ELAPOR1: variants seen among roughly 807,000 people sequenced by gnomAD.
The protein encoded by ELAPOR1 is endosome-lysosome associated apoptosis and autophagy regulator 1, also known as endosome/lysosome-associated apoptosis and autophagy regulator 1.
A neutral mutation model predicts 119.7 loss-of-function variants in ELAPOR1; 77 were observed. The observed-to-expected ratio is 0.64, with a 90% CI of 0.54 to 0.78. The LOEUF (loss-of-function observed/expected upper bound fraction) is 0.78. ELAPOR1 is among the 30% of genes least tolerant of loss of function. ELAPOR1 has a pLI of 0.00. For missense variants in ELAPOR1, 1,115 were observed against 1,270.4 expected, an observed-to-expected ratio of 0.88 and a Z score of 1.86; for synonymous variants, 481 against 487.2, an observed-to-expected ratio of 0.99 and a Z score of 0.17.
intron 3 of ELAPOR1, among the ~76,000 whole-genome samples, chr1:109,170,092 A>G (rs1479472996): frequency 6.6e-6 from 1 of 152,256 alleles, no homozygotes; most frequent in East Asian, 1.9e-4. Context: ...TTCAGAGCCC[A>G]TAAATATAAT....
chr1:109,119,373 A>G lies in ELAPOR1; in HGVS notation c.153+5037A>G, dbSNP rs372261727. Reference sequence around the variant, plus strand: ...ATAATTTTTGTAGTTTTGGAGAGACAGGGTTTCTCCATGTTGCCCAGGCTG... The same window carrying G: ...ATAATTTTTGTAGTTTTGGAGAGACGGGGTTTCTCCATGTTGCCCAGGCTG... On this transcript the variant is annotated intron_variant, in intron 1 of 21. Coordinates refer to ENST00000369939, the MANE Select transcript of ELAPOR1 (RefSeq NM_020775.5). Among the ~76,000 whole-genome samples the G allele has an allele frequency of 1.6e-4, 23 of 144,688 alleles. No individual in the cohort carries two copies. In the South Asian group the frequency reaches 5.1e-3, roughly 32 times the overall value. The allele number at this position is 144,688 out of a possible 152,430, so 94.9% of individuals were successfully genotyped here.
At chr1:109,118,984 G>A (rs1648211430) in intron 1 of ELAPOR1, among the ~76,000 whole-genome samples, 2 of 142,564 alleles carry the variant, frequency 1.4e-5, no homozygotes, top group East Asian at 2.1e-4. Flanking sequence ...TGCAACCTCC[G>A]CCTTCTGGGC....
chr1:109,133,238 A>G (rs1280750411), intron 1 of ELAPOR1, among the ~76,000 whole-genome samples: 1 of 152,184 alleles, frequency 6.6e-6, no homozygotes, highest in African/African-American at 2.4e-5. Context: ...TCAAAGAAAA[A>G]AAAGTACAAC....
At chr1:109,201,424 A>G in intron 21 of ELAPOR1, 1 of 453,386 alleles carries the variant, frequency 2.2e-6, no homozygotes, top group South Asian at 1.6e-5. Flanking sequence ...GTGGGTGAGT[A>G]TGAAGCTTAT....
chr1:109,189,802 CA>C (rs1653313233), intron 11 of ELAPOR1, 120 bp downstream of exon 11: 1 of 739,268 alleles, frequency 1.4e-6, no homozygotes. Flanking sequence ...TTTCAAATGT[CA>C]GTTGAGAACA....
At chr1:109,170,724 G>A (rs1003260198) in intron 3 of ELAPOR1, among the ~76,000 whole-genome samples, 2 of 152,196 alleles carry the variant, frequency 1.3e-5, no homozygotes, top group South Asian at 2.1e-4. Flanking sequence ...ATGGTCAGAC[G>A]TCTATTCTGG....
intron 15 of ELAPOR1, among the ~76,000 whole-genome samples, chr1:109,195,953 C>T (rs771633890): frequency 6.6e-6 from 1 of 152,162 alleles, no homozygotes; most frequent in Admixed American, 6.5e-5. Context: ...GTCTGGAGTT[C>T]GAGACCAGCC....
At chr1:109,144,059 A>ATTTT (rs1243626258) in intron 1 of ELAPOR1, among the ~76,000 whole-genome samples, 38 of 34,416 alleles carry the variant, frequency 1.1e-3, no homozygotes, top group South Asian at 2.9e-3. Flanking sequence ...ATATATTTAT[A>ATTTT]TATTTTTTTT....
At chr1:109,178,011 CTT>C (rs61317397) in intron 7 of ELAPOR1, among the ~76,000 whole-genome samples, 48 of 135,692 alleles carry the variant, frequency 3.5e-4, no homozygotes, top group Admixed American at 8.3e-4. Flanking sequence ...TTTTTTCTTT[CTT>C]TTTTTTTTTT....
At chr1:109,131,507 TA>T (rs560925331) in intron 1 of ELAPOR1, among the ~76,000 whole-genome samples, 56 of 152,270 alleles carry the variant, frequency 3.7e-4, no homozygotes, top group African/African-American at 1.3e-3. Flanking sequence ...TCCATGTTAT[TA>T]TTATTATTTG....
In ELAPOR1 at chr1:109,185,144, C is replaced by T; in HGVS notation, c.1041+11C>T. On this transcript the variant is annotated intron_variant, in intron 8 of 21. Coordinates refer to ENST00000369939, the MANE Select transcript of ELAPOR1 (RefSeq NM_020775.5). ...GATGCCAACGGAGAGGTGGGTAGTA[C>T]AGTCTTGGAGCCCCTTAGCCCCAGA... is the stretch of plus-strand genomic sequence containing the variant. The T allele has an allele frequency of 1.2e-6, 2 of 1,605,922 alleles. No homozygotes were observed. Among genetic ancestry groups the T allele is most frequent in the South Asian group, 2.2e-5 (2 of 90,910 alleles).
At chr1:109,128,604 C>T (rs1374910561) in intron 1 of ELAPOR1, among the ~76,000 whole-genome samples, 1 of 152,200 alleles carries the variant, frequency 6.6e-6, no homozygotes, top group Non-Finnish European at 1.5e-5. Flanking sequence ...CGCTTATCTT[C>T]AGGTAGGCCT....
intron 8 of ELAPOR1, chr1:109,186,939 A>G: frequency 1.0e-6 from 1 of 985,516 alleles, no homozygotes. Flanking sequence ...AGCACAGCCA[A>G]GGCCCAGCTC....
intron 1 of ELAPOR1, among the ~76,000 whole-genome samples, chr1:109,157,131 G>T (rs1650929153): frequency 6.6e-6 from 1 of 152,092 alleles, no homozygotes; most frequent in South Asian, 2.1e-4. Flanking sequence ...GCAGTTTTTA[G>T]CAGCTTGAAA....
At chr1:109,160,891 CTGTT>C (rs1214400208) in intron 1 of ELAPOR1, among the ~76,000 whole-genome samples, 2 of 152,162 alleles carry the variant, frequency 1.3e-5, no homozygotes, top group Non-Finnish European at 2.9e-5. Context: ...CTGAGTGGAA[CTGTT>C]TGTTGTTGTT....
chr1:109,196,538 G>C (rs1222880443), intron 15 of ELAPOR1, among the ~76,000 whole-genome samples: 1 of 152,012 alleles, frequency 6.6e-6, no homozygotes, highest in Non-Finnish European at 1.5e-5. Flanking sequence ...GTTTAGAAAT[G>C]CTTATGATGT....
chr1:109,167,628 A>G (rs1261330709), intron 3 of ELAPOR1, among the ~76,000 whole-genome samples: 2 of 151,904 alleles, frequency 1.3e-5, no homozygotes, highest in African/African-American at 4.8e-5. Context: ...TTTTTTTAAG[A>G]AACAAGGTCT....
chr1:109,128,503 T>C (rs1005341360), intron 1 of ELAPOR1, among the ~76,000 whole-genome samples: 4 of 152,198 alleles, frequency 2.6e-5, no homozygotes, highest in African/African-American at 9.7e-5. Context: ...TATAAAACTG[T>C]AACTTCATAA....
At chr1:109,198,389 C>T (rs1653959403) in intron 17 of ELAPOR1, among the ~76,000 whole-genome samples, 184 bp from the exon 18 acceptor site, 1 of 152,246 alleles carries the variant, frequency 6.6e-6, no homozygotes, top group African/African-American at 2.4e-5. Context: ...CCCTTGACTA[C>T]ATATTGTTGA....
Sources: allele counts gnomAD v4.1 joint callset (sites outside exome capture counted in the v4.1 genomes callset), GRCh38; gene constraint gnomAD v4.1.1; transcripts MANE v1.5; gene names NCBI Gene and HGNC (gene_info 2026-07-23, HGNC 2026-07-21).